Variants in PLPPR1 observed in about 807,000 individuals in gnomAD.
PLPPR1 encodes phospholipid phosphatase-related protein type 1.
A neutral mutation model predicts 33.1 loss-of-function variants in PLPPR1; 10 were observed. The observed-to-expected ratio is 0.30, with a 90% CI of 0.19 to 0.51. PLPPR1 has a LOEUF of 0.51. PLPPR1 is among the 20% of genes least tolerant of loss of function. The pLI, the probability that PLPPR1 is intolerant of heterozygous loss-of-function variation, is 0.97. For synonymous variants in PLPPR1, 151 were observed against 151.0 expected, an observed-to-expected ratio of 1.00 and a Z score of 0.00; for missense variants, 304 against 408.1, an observed-to-expected ratio of 0.74 and a Z score of 2.20.
intron 1 of PLPPR1, among the ~76,000 whole-genome samples, chr9:101,111,771 G>A (rs1374702574): frequency 2.6e-5 from 4 of 152,130 alleles, no homozygotes; most frequent in African/African-American, 9.7e-5. Flanking sequence ...CCCCACAGCA[G>A]TGCAAATGCT....
chr9:101,296,663 G>A (rs1434313237), intron 4 of PLPPR1, among the ~76,000 whole-genome samples: 1 of 152,122 alleles, frequency 6.6e-6, no homozygotes, highest in African/African-American at 2.4e-5. Context: ...GGATGAAATT[G>A]GAAATCATCA....
chr9:101,054,937 G>T (rs1830263933), intron 1 of PLPPR1, among the ~76,000 whole-genome samples: 1 of 152,202 alleles, frequency 6.6e-6, no homozygotes, highest in Admixed American at 6.5e-5. Context: ...GGGACGGTCT[G>T]TGGCAGGAGG....
chr9:101,203,717 A>G (rs1238770885), intron 2 of PLPPR1, among the ~76,000 whole-genome samples: 1 of 38,368 alleles, frequency 2.6e-5, no homozygotes, highest in East Asian at 2.0e-4. Flanking sequence ...CTATATACAC[A>G]TTATATAGAT....
intron 2 of PLPPR1, among the ~76,000 whole-genome samples, chr9:101,216,369 ATT>A (rs1333867297): frequency 6.6e-6 from 1 of 151,228 alleles, no homozygotes; most frequent in Admixed American, 6.6e-5. Context: ...TTTTGATTGG[ATT>A]TTTTTGTTTG....
chr9:101,261,171 T>C (rs1827892987), intron 2 of PLPPR1, among the ~76,000 whole-genome samples: 1 of 152,158 alleles, frequency 6.6e-6, no homozygotes, highest in Admixed American at 6.5e-5. Flanking sequence ...CCTCACAGAG[T>C]AGTGTTAAGT....
chr9:101,095,940 C>T (rs1262966915), intron 1 of PLPPR1, among the ~76,000 whole-genome samples: 1 of 152,176 alleles, frequency 6.6e-6, no homozygotes, highest in Non-Finnish European at 1.5e-5. Context: ...TAGAACCAAT[C>T]AAAAGCTTCC....
At chr9:101,224,118 A>G (rs2771073) in intron 2 of PLPPR1, among the ~76,000 whole-genome samples, 79,560 of 151,990 alleles carry the variant, frequency 0.52, 21,899 homozygotes, top group East Asian at 0.89. Flanking sequence ...TGAGGAATAA[A>G]TAAGAATATT....
chr9:101,236,650 G>C (rs1239534730), intron 2 of PLPPR1, among the ~76,000 whole-genome samples: 1 of 151,060 alleles, frequency 6.6e-6, no homozygotes, highest in African/African-American at 2.4e-5. Flanking sequence ...ACATATCTAT[G>C]GGTTATAGTG....
intron 2 of PLPPR1, among the ~76,000 whole-genome samples, chr9:101,233,278 C>T (rs1423242134): frequency 6.6e-6 from 1 of 151,944 alleles, no homozygotes. Context: ...TAGGGCCATT[C>T]TTCATTTACT....
intron 2 of PLPPR1, among the ~76,000 whole-genome samples, chr9:101,238,594 C>T (rs916730222): frequency 4.6e-5 from 7 of 151,318 alleles, no homozygotes; most frequent in East Asian, 3.9e-4. Flanking sequence ...TACACATGGA[C>T]GTAGAGAGTG....
At chr9:101,098,315 A>ATGAG (rs202098393) in intron 1 of PLPPR1, among the ~76,000 whole-genome samples, 2,924 of 152,162 alleles carry the variant, frequency 0.019, 56 homozygotes, top group African/African-American at 0.05. Context: ...AGGTAGAACG[A>ATGAG]ATAAATGAGA....
At chr9:101,111,386 C>T (rs1831054568) in intron 1 of PLPPR1, among the ~76,000 whole-genome samples, 1 of 152,066 alleles carries the variant, frequency 6.6e-6, no homozygotes, top group Admixed American at 6.6e-5. Flanking sequence ...TTCAGTAATG[C>T]TAATAATGCT....
intron 2 of PLPPR1, among the ~76,000 whole-genome samples, chr9:101,225,743 A>ACCC (rs1469921537): frequency 3.5e-5 from 2 of 57,358 alleles, no homozygotes; most frequent in Non-Finnish European, 7.1e-5. Context: ...CCCCACCACC[A>ACCC]CCCCCACCCC....
chr9:101,317,535 T>C (rs1337167959), intron 7 of PLPPR1, 39 bp downstream of exon 7: 1 of 1,596,430 alleles, frequency 6.3e-7, no homozygotes, highest in Non-Finnish European at 8.5e-7. Flanking sequence ...ACCCACAGGC[T>C]GAACACTTTG....
chr9:101,298,716 C>G (rs1828692980), intron 4 of PLPPR1, among the ~76,000 whole-genome samples: 1 of 152,008 alleles, frequency 6.6e-6, no homozygotes. Context: ...TGTTTAGAAT[C>G]TATGAGTGAA....
intron 1 of PLPPR1, among the ~76,000 whole-genome samples, chr9:101,167,850 A>C (rs1238744354): frequency 6.6e-6 from 1 of 152,198 alleles, no homozygotes; most frequent in Non-Finnish European, 1.5e-5. Context: ...TGATAAAGAC[A>C]TATCTGAGAC....
At chr9:101,113,114 A>C (rs10156478) in intron 1 of PLPPR1, among the ~76,000 whole-genome samples, 18,330 of 152,202 alleles carry the variant, frequency 0.12, 1,479 homozygotes, top group East Asian at 0.28. Context: ...TAGACATTCA[A>C]GTTCAGGAGG....
Position 101,288,535 on chromosome 9 carries a change from G to C in PLPPR1, c.385+2299G>C, listed in dbSNP as rs113986667. 8.2e-3 allele frequency among the ~76,000 whole-genome samples: 1,246 copies of C among 152,050 alleles called. 18 individuals are homozygous for C. The highest frequency in any genetic ancestry group is 0.027 in the African/African-American group (1,099 of 41,438). On this transcript the variant is annotated intron_variant, in intron 4 of 7. Coordinates refer to ENST00000374874, the MANE Select transcript of PLPPR1 (RefSeq NM_207299.2). ...GAATTAGAGGAAACAGCATTGAAAG[G>C]CAAAGGGGATTGCTGGGTTTAGTAA...
intron 1 of PLPPR1, among the ~76,000 whole-genome samples, chr9:101,159,922 A>T (rs1465475313): frequency 6.6e-6 from 1 of 152,182 alleles, no homozygotes; most frequent in Non-Finnish European, 1.5e-5. Context: ...CTGTAACTTA[A>T]GTTTCTTCCA....
Sources: gnomAD v4.1 joint callset for allele counts (sites outside exome capture counted in the v4.1 genomes callset) on GRCh38, gnomAD v4.1.1 for gene constraint, MANE v1.5 for transcripts, NCBI Gene and HGNC (gene_info 2026-07-23, HGNC 2026-07-21) for gene names.